The following MAP4K3 variants were observed in gnomAD, a reference collection of about 807,000 sequenced individuals.
The protein encoded by MAP4K3 is MAPK/ERK kinase kinase kinase 3.
MAP4K3 carries 94 observed loss-of-function variants against 143.5 expected under a neutral mutation model. The ratio of observed to expected loss-of-function variants is 0.65; its 90% confidence interval spans 0.55 to 0.78. The LOEUF (loss-of-function observed/expected upper bound fraction) is 0.78. MAP4K3 is among the 30% of genes least tolerant of loss of function. The pLI, the probability that MAP4K3 is intolerant of heterozygous loss-of-function variation, is 0.00. For missense variants in MAP4K3, 1,077 were observed against 1,068.1 expected, an observed-to-expected ratio of 1.01 and a Z score of -0.12; for synonymous variants, 416 against 347.2, an observed-to-expected ratio of 1.20 and a Z score of -2.20.
At chr2:39,265,683 A>T (rs1680735948) in intron 27 of MAP4K3, among the ~76,000 whole-genome samples, 1 of 152,184 alleles carries the variant, frequency 6.6e-6, no homozygotes, top group Non-Finnish European at 1.5e-5. Context: ...GATACAACAC[A>T]TTCGGGTGGT....
At chr2:39,408,122 A>G (rs150800086) in intron 1 of MAP4K3, among the ~76,000 whole-genome samples, 46 of 152,320 alleles carry the variant, frequency 3.0e-4, no homozygotes, top group African/African-American at 1.1e-3. Flanking sequence ...TGTACAAAAC[A>G]AAAACAAAAA....
chr2:39,270,841 T>A (rs1680987024), intron 26 of MAP4K3, among the ~76,000 whole-genome samples: 1 of 152,128 alleles, frequency 6.6e-6, no homozygotes, highest in Admixed American at 6.6e-5. Flanking sequence ...TATAAAATAT[T>A]ATGATGCTAA....
chr2:39,364,129 G>A (rs1665855219), intron 2 of MAP4K3, among the ~76,000 whole-genome samples: 1 of 151,914 alleles, frequency 6.6e-6, no homozygotes. Context: ...ATTAAAAATA[G>A]AAATGCAATA....
chr2:39,278,033 G>A (rs557926742), intron 24 of MAP4K3, among the ~76,000 whole-genome samples: 66 of 151,478 alleles, frequency 4.4e-4, no homozygotes, highest in African/African-American at 1.6e-3. Flanking sequence ...TATAATCCCA[G>A]CACACTGGGA....
At chr2:39,411,111 G>T (rs928895115) in intron 1 of MAP4K3, among the ~76,000 whole-genome samples, 2 of 152,106 alleles carry the variant, frequency 1.3e-5, no homozygotes, top group African/African-American at 2.4e-5. Flanking sequence ...CCATATAATT[G>T]TATGCCTTAA....
chr2:39,350,929 C>T (rs763826206), intron 3 of MAP4K3, among the ~76,000 whole-genome samples: 3 of 151,934 alleles, frequency 2.0e-5, no homozygotes, highest in African/African-American at 7.3e-5. Flanking sequence ...TTCACCTAAC[C>T]GGAGACTGAA....
At chr2:39,388,568 C>T (rs114270237) in intron 1 of MAP4K3, among the ~76,000 whole-genome samples, 1 of 152,256 alleles carries the variant, frequency 6.6e-6, no homozygotes, top group African/African-American at 2.4e-5. Context: ...AAATTGGGAC[C>T]ACTGCATAAA....
intron 16 of MAP4K3, among the ~76,000 whole-genome samples, chr2:39,295,038 A>G (rs549936210): frequency 6.9e-5 from 10 of 144,404 alleles, no homozygotes; most frequent in African/African-American, 2.4e-4. Context: ...ACAAGACTTG[A>G]AAAAAAAAAA....
intron 19 of MAP4K3, among the ~76,000 whole-genome samples, chr2:39,289,800 T>G (rs544802484): frequency 2.0e-5 from 3 of 152,250 alleles, no homozygotes; most frequent in South Asian, 4.1e-4. Context: ...GAACATTAAA[T>G]AAGGCCAGGC....
intron 3 of MAP4K3, among the ~76,000 whole-genome samples, chr2:39,349,081 C>A (rs1327602050): frequency 2.0e-5 from 3 of 152,204 alleles, no homozygotes; most frequent in Non-Finnish European, 4.4e-5. Context: ...ATCCTGTACA[C>A]TGCAGTCCCC....
chr2:39,375,282 A>G (rs1183484203), intron 2 of MAP4K3, among the ~76,000 whole-genome samples: 3 of 152,096 alleles, frequency 2.0e-5, no homozygotes, highest in African/African-American at 7.2e-5. Flanking sequence ...CCTCTACCTT[A>G]GAAAAATGTG....
intron 3 of MAP4K3, among the ~76,000 whole-genome samples, chr2:39,350,555 A>G (rs1441781960): frequency 6.6e-6 from 1 of 152,196 alleles, no homozygotes; most frequent in East Asian, 1.9e-4. Context: ...ATATTCATAA[A>G]TGTATTTCGA....
intron 2 of MAP4K3, among the ~76,000 whole-genome samples, chr2:39,368,885 C>G (rs1665998080): frequency 6.6e-6 from 1 of 152,072 alleles, no homozygotes; most frequent in Non-Finnish European, 1.5e-5. Flanking sequence ...ATCAAAACAA[C>G]AAACCTATTC....
intron 8 of MAP4K3, among the ~76,000 whole-genome samples, chr2:39,331,708 A>G (rs1255534955): frequency 6.6e-6 from 1 of 152,126 alleles, no homozygotes; most frequent in Non-Finnish European, 1.5e-5. Flanking sequence ...ATCAATCATT[A>G]AAGCCTTTTC....
intron 2 of MAP4K3, among the ~76,000 whole-genome samples, chr2:39,359,134 G>T (rs1665693279): frequency 6.6e-6 from 1 of 152,190 alleles, no homozygotes. Context: ...TCTAGATACA[G>T]TGGTGGTACA....
intron 24 of MAP4K3, among the ~76,000 whole-genome samples, chr2:39,277,797 C>A (rs1166042275): frequency 4.6e-5 from 7 of 151,346 alleles, no homozygotes; most frequent in African/African-American, 1.7e-4. Context: ...AACTCCTGAC[C>A]TCAGGTGATC....
chr2:39,268,632 C>CTTTTTT lies in MAP4K3; in HGVS notation c.1974-1386_1974-1385insAAAAAA, dbSNP rs1389888924. On this transcript the variant is annotated intron_variant, in intron 26 of 33. Transcript: ENST00000263881. ...CACTGTGCCCGGCTAAAGATTTTTT[C>CTTTTTT]TATTTTTTTTTTTTTTTTTTTTTTT... 6.3e-3 allele frequency among the ~76,000 whole-genome samples: 285 copies of CTTTTTT among 45,430 alleles called. 1 individual carries two copies. Among genetic ancestry groups the CTTTTTT allele is most frequent in the Non-Finnish European group, 9.9e-3 (170 of 17,204 alleles). The allele number at this position is 45,430 out of a possible 152,430, so 29.8% of individuals were successfully genotyped here.
At chr2:39,383,574 G>A (rs1436907997) in intron 1 of MAP4K3, among the ~76,000 whole-genome samples, 1 of 151,842 alleles carries the variant, frequency 6.6e-6, no homozygotes, top group African/African-American at 2.4e-5. Flanking sequence ...ATACATCCCT[G>A]GTTTACCCAG....
chr2:39,355,395 G>A (rs1206281694), intron 3 of MAP4K3, among the ~76,000 whole-genome samples: 1 of 149,288 alleles, frequency 6.7e-6, no homozygotes, highest in African/African-American at 2.5e-5. Flanking sequence ...GCTGGGCATG[G>A]TGGTACGTAC....
Sources: gnomAD v4.1 joint callset for allele counts (sites outside exome capture counted in the v4.1 genomes callset) on GRCh38, gnomAD v4.1.1 for gene constraint, MANE v1.5 for transcripts, NCBI Gene and HGNC (gene_info 2026-07-23, HGNC 2026-07-21) for gene names.